Variants in C12orf42 observed in about 807,000 individuals in gnomAD.
C12orf42 encodes chromosome 12 open reading frame 42.
Under a neutral mutation model 21.6 loss-of-function variants are expected in C12orf42, and 25 were observed. The observed-to-expected ratio is 1.16, with a 90% CI of 0.84 to 1.62. C12orf42 has a LOEUF of 1.62. Among genes scored for constraint, C12orf42 ranks in the 40% most tolerant of loss-of-function variants. The probability of loss-of-function intolerance (pLI) is 0.00; values close to 1 mark genes in which losing one functional copy is unlikely to be tolerated. For synonymous variants in C12orf42, 174 were observed against 175.0 expected (o/e 0.99, Z 0.05); for missense variants, 483 against 459.3 (o/e 1.05, Z -0.47).
At chr12:103,152,695 T>C in the C12orf42 span, among the ~76,000 whole-genome samples, 4 of 152,034 alleles carry the variant, frequency 2.6e-5, no homozygotes, top group African/African-American at 9.7e-5. Context: ...TAATGCAATA[T>C]AGTAATCATA....
chr12:103,240,266 C>T (rs1040351399), intron 10 of C12orf42, among the ~76,000 whole-genome samples: 4 of 152,182 alleles, frequency 2.6e-5, no homozygotes, highest in Non-Finnish European at 5.9e-5. Context: ...ATAGTCCAGA[C>T]ATCAAGCGAC....
chr12:103,352,429 T>C (rs2043179100), intron 4 of C12orf42, among the ~76,000 whole-genome samples: 1 of 152,188 alleles, frequency 6.6e-6, no homozygotes, highest in African/African-American at 2.4e-5. Context: ...TTGGTATATT[T>C]CAAGACTTTG....
intron 4 of C12orf42, among the ~76,000 whole-genome samples, chr12:103,314,561 T>G (rs1169580985): frequency 6.6e-6 from 1 of 152,004 alleles, no homozygotes; most frequent in African/African-American, 2.4e-5. Flanking sequence ...TTTTAGTGAG[T>G]TTTGCCTCAA....
chr12:103,375,256 C>T (rs1308929999), intron 3 of C12orf42, among the ~76,000 whole-genome samples: 2 of 152,048 alleles, frequency 1.3e-5, no homozygotes, highest in Admixed American at 6.6e-5. Context: ...TATCCAAGAC[C>T]GATTTGAATG....
downstream of C12orf42, among the ~76,000 whole-genome samples, chr12:103,267,191 G>A (rs961791388): frequency 6.6e-6 from 1 of 152,072 alleles, no homozygotes; most frequent in Non-Finnish European, 1.5e-5. Flanking sequence ...GCTTTCTCTG[G>A]TTCGAGTCAA....
intron 2 of C12orf42, among the ~76,000 whole-genome samples, chr12:103,402,678 G>A (rs2048103956): frequency 6.6e-6 from 1 of 152,172 alleles, no homozygotes; most frequent in African/African-American, 2.4e-5. Flanking sequence ...GGTTATGAAG[G>A]TACAGACATA....
chr12:103,392,820 TTC>T (rs1177063823), intron 3 of C12orf42, among the ~76,000 whole-genome samples: 3 of 152,170 alleles, frequency 2.0e-5, no homozygotes, highest in Non-Finnish European at 4.4e-5. Flanking sequence ...GGACGGGAAA[TTC>T]TCTTTCTCAT....
In C12orf42 at chr12:103,322,125, G is replaced by GCA. The variant is rs34616179; in HGVS notation, c.260-15782_260-15781dup. Reference sequence around the variant, plus strand: ...CACGCGCGTGCGTGCGCGCGCGCGCGCACACACACACACACACACACACAC... The same window carrying GCA: ...CACGCGCGTGCGTGCGCGCGCGCGCGCACACACACACACACACACACACACAC... On this transcript the variant is annotated intron_variant, in intron 4 of 5. Coordinates refer to ENST00000548883, the MANE Select transcript of C12orf42 (RefSeq NM_198521.5). Among the ~76,000 whole-genome samples, 828 of 90,546 alleles carry GCA rather than the reference G, an allele frequency of 9.1e-3. 7 individuals are homozygous for GCA. The highest frequency in any genetic ancestry group is 0.036 in the South Asian group (76 of 2,132). 59.4% of individuals were successfully genotyped at this position (90,546 alleles called of 152,430 possible). A position where few individuals can be genotyped will look rare whatever the true frequency, so the allele number is the denominator to read the frequency against.
downstream of C12orf42, among the ~76,000 whole-genome samples, chr12:103,264,448 G>A (rs369508532): frequency 1.5e-4 from 23 of 152,246 alleles, no homozygotes; most frequent in East Asian, 9.7e-4. Flanking sequence ...GACAACTTCT[G>A]ATGAGCCAAA....
chr12:103,053,176 T>C, the C12orf42 span, among the ~76,000 whole-genome samples: 1 of 151,958 alleles, frequency 6.6e-6, no homozygotes, highest in Non-Finnish European at 1.5e-5. Context: ...AATTTTATTT[T>C]AATTTTGAGA....
Position 103,478,452 on chromosome 12 carries a change from A to G in C12orf42, c.-21-5T>C. ...TAATTTGACAAGTTCAACTCCCTAT[A>G]AACAAAGAATGGAGAAAGAAGAGCA... On this transcript the variant is annotated splice_region_variant and splice_polypyrimidine_tract_variant and intron_variant, in intron 1 of 5. Transcript: ENST00000548883. The G allele has an allele frequency of 2.1e-6, 3 of 1,396,924 alleles. No individual in the cohort carries two copies. The highest frequency in any genetic ancestry group is 3.0e-6 in the Non-Finnish European group (3 of 1,012,904). The allele number at this position is 1,396,924 out of a possible 1,614,324, so 86.5% of individuals were successfully genotyped here. A position where few individuals can be genotyped will look rare whatever the true frequency, so the allele number is the denominator to read the frequency against.
intron 10 of C12orf42, among the ~76,000 whole-genome samples, chr12:103,244,277 A>G (rs1368129506): frequency 6.6e-6 from 1 of 152,132 alleles, no homozygotes; most frequent in Non-Finnish European, 1.5e-5. Context: ...AGTGATTGGC[A>G]GATACCCTCT....
the C12orf42 span, among the ~76,000 whole-genome samples, chr12:103,096,253 C>T: frequency 6.6e-6 from 1 of 152,158 alleles, no homozygotes; most frequent in Non-Finnish European, 1.5e-5. Context: ...CAGTGCCCAA[C>T]AAGCACACAT....
intron 3 of C12orf42, among the ~76,000 whole-genome samples, chr12:103,371,237 T>C (rs1178693215): frequency 6.6e-6 from 1 of 152,144 alleles, no homozygotes; most frequent in African/African-American, 2.4e-5. Flanking sequence ...GGAAAAGGTT[T>C]GTGCCTCAAA....
intron 2 of C12orf42, among the ~76,000 whole-genome samples, chr12:103,472,660 A>C (rs1300091777): frequency 6.6e-6 from 1 of 152,224 alleles, no homozygotes; most frequent in African/African-American, 2.4e-5. Flanking sequence ...AATGATGGGA[A>C]AATAAGCCAA....
At chr12:103,506,851 T>TATATATA in the C12orf42 span, among the ~76,000 whole-genome samples, 210 of 68,338 alleles carry the variant, frequency 3.1e-3, 16 homozygotes, top group East Asian at 0.015. Flanking sequence ...ATATATATAT[T>TATATATA]TATATATTAT....
intron 4 of C12orf42, among the ~76,000 whole-genome samples, chr12:103,348,032 T>C (rs1478999976): frequency 6.6e-6 from 1 of 152,196 alleles, no homozygotes; most frequent in Non-Finnish European, 1.5e-5. Context: ...TGATAATAAC[T>C]ATTCACAGGG....
At chr12:103,211,608 G>A in the C12orf42 span, among the ~76,000 whole-genome samples, 2 of 152,162 alleles carry the variant, frequency 1.3e-5, no homozygotes, top group Non-Finnish European at 2.9e-5. Flanking sequence ...CCATGAGAGT[G>A]AGCAGGAAGG....
intron 2 of C12orf42, among the ~76,000 whole-genome samples, chr12:103,416,923 G>T (rs540470497): frequency 6.6e-6 from 1 of 152,268 alleles, no homozygotes; most frequent in Non-Finnish European, 1.5e-5. Flanking sequence ...TGTGCAAGGA[G>T]AATGGATTGA....
Sources: gnomAD v4.1 joint callset for allele counts (sites outside exome capture counted in the v4.1 genomes callset) on GRCh38, gnomAD v4.1.1 for gene constraint, MANE v1.5 for transcripts, NCBI Gene and HGNC (gene_info 2026-07-23, HGNC 2026-07-21) for gene names.